ERG: variants seen among roughly 807,000 people sequenced by gnomAD.
ERG encodes the protein ETS transcription factor ERG, also known as transcriptional regulator ERG.
A neutral mutation model predicts 55.3 loss-of-function variants in ERG; 9 were observed. That is an observed-to-expected ratio of 0.16 (90% CI 0.10 to 0.28). ERG has a LOEUF of 0.28. Ranked by LOEUF, ERG falls within the 10% of genes least tolerant of loss-of-function variation. ERG has a pLI of 1.00. For missense variants in ERG, 434 were observed against 631.6 expected (o/e 0.69, Z 3.35); for synonymous variants, 223 against 237.3 (o/e 0.94, Z 0.55).
rs1004686163 is a variant in ERG, at chr21:38,432,104, G to GT, written c.237-8544dup. ...TTTCTAGATTTGATTTGATTTTATT[G>GT]TTTTTTAAGAGACAGGGTCTTGCTC... On this transcript the variant is annotated intron_variant, in intron 2 of 9. Transcript: ENST00000288319. Among the ~76,000 whole-genome samples the GT allele has an allele frequency of 5.0e-4, 76 of 152,264 alleles. 1 individual carries two copies. Among genetic ancestry groups the GT allele is most frequent in the African/African-American group, 1.8e-3 (73 of 41,552 alleles).
upstream of ERG, among the ~76,000 whole-genome samples, chr21:38,588,361 A>C (rs2060079712): frequency 6.6e-6 from 1 of 152,098 alleles, no homozygotes; most frequent in Non-Finnish European, 1.5e-5. Flanking sequence ...GGCCAGTGGG[A>C]CAAACCACAT....
chr21:38,563,517 C>T (rs1166499103), intron 2 of ERG, among the ~76,000 whole-genome samples: 1 of 152,206 alleles, frequency 6.6e-6, no homozygotes, highest in African/African-American at 2.4e-5. Context: ...CGTGAGAGCA[C>T]GTCCTCTCTG....
At chr21:38,399,895 G>T (rs569878658) in intron 6 of ERG, 2 of 183,644 alleles carry the variant, frequency 1.1e-5, no homozygotes, top group South Asian at 1.5e-4. Context: ...ATTTCGGTTT[G>T]TTCACCATCA....
intron 3 of ERG, among the ~76,000 whole-genome samples, chr21:38,403,983 A>G (rs373433964): frequency 5.0e-4 from 76 of 152,362 alleles, no homozygotes; most frequent in Middle Eastern, 3.4e-3. Context: ...TCCTGTAGGC[A>G]TAAGATTTTA....
chr21:38,599,642 C>T (rs1472007700), intron 1 of ERG, among the ~76,000 whole-genome samples: 2 of 152,176 alleles, frequency 1.3e-5, no homozygotes, highest in Non-Finnish European at 2.9e-5. Flanking sequence ...GATGCTAACA[C>T]CAGCTCCGGA....
At chr21:38,631,182 G>T in intron 1 of ERG, among the ~76,000 whole-genome samples, 1 of 152,136 alleles carries the variant, frequency 6.6e-6, no homozygotes, top group East Asian at 1.9e-4. Context: ...CCTTCAACTC[G>T]GACTGCATCT....
chr21:38,580,111 C>A (rs375558467), intron 1 of ERG, among the ~76,000 whole-genome samples: 1 of 152,184 alleles, frequency 6.6e-6, no homozygotes, highest in Non-Finnish European at 1.5e-5. Flanking sequence ...TGAGCCACCA[C>A]GCCCGGCTAA....
chr21:38,400,850 G>A, intron 5 of ERG, among the ~76,000 whole-genome samples: 1 of 152,188 alleles, frequency 6.6e-6, no homozygotes, highest in East Asian at 1.9e-4. Context: ...GTGTACTCCT[G>A]TGCCCCGTTT....
chr21:38,413,752 GACA>G (rs1989159915), intron 3 of ERG, among the ~76,000 whole-genome samples: 2 of 144,008 alleles, frequency 1.4e-5, no homozygotes, highest in Admixed American at 1.4e-4. Flanking sequence ...GTTATTCCAT[GACA>G]ACATTGTGTG....
chr21:38,457,520 TG>T (rs2059001981), intron 1 of ERG, among the ~76,000 whole-genome samples: 1 of 152,096 alleles, frequency 6.6e-6, no homozygotes, highest in Non-Finnish European at 1.5e-5. Context: ...CCCAACAGCC[TG>T]GTGACTTGAA....
chr21:38,595,604 G>A (rs574903188), intron 1 of ERG, among the ~76,000 whole-genome samples: 3 of 152,322 alleles, frequency 2.0e-5, no homozygotes, highest in East Asian at 3.9e-4. Context: ...AGCAGAAGCA[G>A]GGCGGGAGCG....
intron 2 of ERG, among the ~76,000 whole-genome samples, chr21:38,568,432 G>T (rs779958193): frequency 3.3e-4 from 50 of 152,136 alleles, no homozygotes; most frequent in Non-Finnish European, 1.2e-4. Flanking sequence ...TTTTACAGCT[G>T]AGGAAACTGA....
At chr21:38,501,417 T>C (rs1251589546), upstream of ERG, among the ~76,000 whole-genome samples, 1 of 152,096 alleles carries the variant, frequency 6.6e-6, no homozygotes, top group Non-Finnish European at 1.5e-5. Context: ...GTTTCCCAAA[T>C]ATTATCCTAT....
At chr21:38,654,673 ACT>A (rs1308882435) in intron 1 of ERG, among the ~76,000 whole-genome samples, 1 of 152,174 alleles carries the variant, frequency 6.6e-6, no homozygotes, top group African/African-American at 2.4e-5. Context: ...CTATTTTAAA[ACT>A]CTGTAGTGAA....
At chr21:38,659,701 CTATCTT>C (rs2060540480) in intron 1 of ERG, among the ~76,000 whole-genome samples, 1 of 152,238 alleles carries the variant, frequency 6.6e-6, no homozygotes, top group African/African-American at 2.4e-5. Flanking sequence ...ATAAAGGAAA[CTATCTT>C]TAGATTAACG....
chr21:38,654,143 G>A (rs2060504506), intron 1 of ERG, among the ~76,000 whole-genome samples: 1 of 152,230 alleles, frequency 6.6e-6, no homozygotes, highest in Non-Finnish European at 1.5e-5. Context: ...GTTTCATTAA[G>A]AGATATTCGA....
chr21:38,638,283 T>A (rs902712004), intron 1 of ERG, among the ~76,000 whole-genome samples: 5 of 152,074 alleles, frequency 3.3e-5, no homozygotes. Context: ...ATTTGGGGAG[T>A]TAATCCAGGT....
At chr21:38,655,374 T>C (rs1467839165) in intron 1 of ERG, among the ~76,000 whole-genome samples, 1 of 152,146 alleles carries the variant, frequency 6.6e-6, no homozygotes, top group Non-Finnish European at 1.5e-5. Context: ...TTTCTGAAAT[T>C]CCTGCTTTGC....
Position 38,507,194 on chromosome 21 carries a change from C to T in ERG, c.-41+68468G>A, listed in dbSNP as rs964444661. 5.9e-5 allele frequency among the ~76,000 whole-genome samples: 9 copies of T among 152,186 alleles called. No individual in the cohort carries two copies. The East Asian group carries it at 1.7e-3, about 29-fold the overall frequency. ...TGAGGACCCTGAGTGCAGGGCTAAC[C>T]TCTGCTTCACAGGAGGGGTCCACTG... On this transcript the variant is annotated intron_variant, in intron 2 of 8. Coordinates refer to the ERG transcript ENST00000398897.
Sources: allele counts gnomAD v4.1 joint callset (sites outside exome capture counted in the v4.1 genomes callset), GRCh38; gene constraint gnomAD v4.1.1; transcripts MANE v1.5; gene names NCBI Gene and HGNC (gene_info 2026-07-23, HGNC 2026-07-21).